SLC7A14: variants seen among roughly 807,000 people sequenced by gnomAD.
SLC7A14 encodes the protein gamma-aminobutyric acid transporter SLC7A14.
Under a neutral mutation model 60.2 loss-of-function variants are expected in SLC7A14, and 37 were observed. The observed-to-expected ratio is 0.61, with a 90% CI of 0.47 to 0.81. The LOEUF (loss-of-function observed/expected upper bound fraction) is 0.81, where lower values mean the gene tolerates loss of function less well. Ranked by LOEUF, SLC7A14 falls within the 30% of genes least tolerant of loss-of-function variation. SLC7A14 has a pLI of 0.00. For missense variants in SLC7A14, 886 were observed against 982.7 expected (o/e 0.90, Z 1.32); for synonymous variants, 399 against 395.8 (o/e 1.01, Z -0.10).
chr3:170,503,436 G>A (rs1712674730), intron 2 of SLC7A14, among the ~76,000 whole-genome samples: 1 of 152,172 alleles, frequency 6.6e-6, no homozygotes, highest in African/African-American at 2.4e-5. Context: ...CTTGGATGCC[G>A]TGTGTTTTCA....
chr3:170,529,696 A>G (rs1453240142), intron 1 of SLC7A14, among the ~76,000 whole-genome samples: 1 of 152,182 alleles, frequency 6.6e-6, no homozygotes, highest in Non-Finnish European at 1.5e-5. Context: ...CCTAGCCACC[A>G]CACCTCAGAA....
At chr3:170,583,701 C>T (rs958920469) in intron 1 of SLC7A14, among the ~76,000 whole-genome samples, 16 of 152,352 alleles carry the variant, frequency 1.1e-4, no homozygotes, top group African/African-American at 3.8e-4. Flanking sequence ...GACTCTAGTT[C>T]TCCAGACTTC....
At chr3:170,547,931 C>T (rs1388641443) in intron 1 of SLC7A14, among the ~76,000 whole-genome samples, 1 of 151,992 alleles carries the variant, frequency 6.6e-6, no homozygotes, top group Non-Finnish European at 1.5e-5. Flanking sequence ...ATTTTGCAGA[C>T]CTGCCTATGT....
intron 1 of SLC7A14, among the ~76,000 whole-genome samples, chr3:170,536,225 T>C (rs906164080): frequency 1.3e-5 from 2 of 152,228 alleles, no homozygotes; most frequent in African/African-American, 4.8e-5. Context: ...CAAAGCAACC[T>C]ATAAGTGTAG....
intron 1 of SLC7A14, among the ~76,000 whole-genome samples, chr3:170,581,986 G>C (rs1715248758): frequency 6.6e-6 from 1 of 152,022 alleles, no homozygotes. Flanking sequence ...TTTTGAATTG[G>C]AACTTTCAGA....
chr3:170,470,332 G>A (rs1739857692), intron 7 of SLC7A14, among the ~76,000 whole-genome samples: 1 of 151,676 alleles, frequency 6.6e-6, no homozygotes, highest in African/African-American at 2.4e-5. Flanking sequence ...GTGTGTGTGT[G>A]TGTGTGTATG....
chr3:170,479,824 T>G (rs1312787045), intron 7 of SLC7A14, among the ~76,000 whole-genome samples: 1 of 152,238 alleles, frequency 6.6e-6, no homozygotes. Context: ...CACACTTAAT[T>G]CACACCTTGT....
At chr3:170,498,431 C>CCAT (rs1386108555) in intron 4 of SLC7A14, among the ~76,000 whole-genome samples, 3 of 152,044 alleles carry the variant, frequency 2.0e-5, no homozygotes, top group Admixed American at 6.5e-5. Flanking sequence ...AACATTGAAT[C>CCAT]TATTATTATT....
intron 1 of SLC7A14, among the ~76,000 whole-genome samples, chr3:170,537,799 A>C (rs1201167755): frequency 6.6e-6 from 1 of 152,242 alleles, no homozygotes; most frequent in African/African-American, 2.4e-5. Flanking sequence ...CCTGACCTCC[A>C]AGCCAGTGCT....
intron 2 of SLC7A14, among the ~76,000 whole-genome samples, chr3:170,502,398 A>G (rs756344731): frequency 6.6e-6 from 1 of 152,214 alleles, no homozygotes; most frequent in African/African-American, 2.4e-5. Flanking sequence ...ATTCTCTGAC[A>G]TAATTAGAGA....
chr3:170,578,585 C>T (rs145023384), intron 1 of SLC7A14, among the ~76,000 whole-genome samples: 4 of 152,030 alleles, frequency 2.6e-5, no homozygotes, highest in South Asian at 2.1e-4. Flanking sequence ...TGTAAAATGG[C>T]GATGATAGCA....
At chr3:170,477,755 CTG>C (rs1239542324) in intron 7 of SLC7A14, among the ~76,000 whole-genome samples, 1 of 152,206 alleles carries the variant, frequency 6.6e-6, no homozygotes, top group Non-Finnish European at 1.5e-5. Context: ...TGTACAATAA[CTG>C]TACAATATTT....
At position 170,547,909 on chromosome 3, in the gene SLC7A14, C is replaced by T. The variant is rs189248728; in HGVS notation, c.-152-20821G>A. On this transcript the variant is annotated intron_variant, in intron 1 of 7. Transcript: ENST00000231706. ...TATTTTTTTCTCATAAGCAATGCTA[C>T]GGTGGACATATATTTTGCAGACCTG... Among the ~76,000 whole-genome samples the T allele has an allele frequency of 2.6e-5, 4 of 152,150 alleles. No homozygotes were observed. In the East Asian group the frequency reaches 5.8e-4, roughly 22 times the overall value.
chr3:170,494,378 C>T (rs1175894309), intron 4 of SLC7A14, among the ~76,000 whole-genome samples: 1 of 152,168 alleles, frequency 6.6e-6, no homozygotes, highest in Non-Finnish European at 1.5e-5. Context: ...AGTGAGAACC[C>T]AGGATGTATA....
chr3:170,503,576 A>G (rs534457099), intron 2 of SLC7A14, among the ~76,000 whole-genome samples: 31 of 152,170 alleles, frequency 2.0e-4, no homozygotes, highest in Non-Finnish European at 4.1e-4. Context: ...AATTACTCCT[A>G]TATTCTATGA....
At chr3:170,480,152 C>A in intron 7 of SLC7A14, 137 bp downstream of exon 7, 2 of 792,578 alleles carry the variant, frequency 2.5e-6, no homozygotes, top group Non-Finnish European at 3.8e-6. Flanking sequence ...GACTCTTAGG[C>A]GGAACACAAG....
At chr3:170,551,619 T>C (rs1714354208) in intron 1 of SLC7A14, among the ~76,000 whole-genome samples, 1 of 152,218 alleles carries the variant, frequency 6.6e-6, no homozygotes, top group South Asian at 2.1e-4. Context: ...TTGTATCTCA[T>C]TGTGGTTTTA....
chr3:170,581,542 A>G (rs1291806277), intron 1 of SLC7A14, among the ~76,000 whole-genome samples: 7 of 152,178 alleles, frequency 4.6e-5, no homozygotes, highest in Admixed American at 4.6e-4. Context: ...AGAAATTTCA[A>G]TAACTAAATT....
chr3:170,509,171 T>A (rs548459649), intron 2 of SLC7A14, among the ~76,000 whole-genome samples: 10 of 152,244 alleles, frequency 6.6e-5, no homozygotes, highest in Non-Finnish European at 7.4e-5. Context: ...CCCAGGCAAT[T>A]TTTACAAAGG....
Sources: gnomAD v4.1 joint callset for allele counts (sites outside exome capture counted in the v4.1 genomes callset) on GRCh38, gnomAD v4.1.1 for gene constraint, MANE v1.5 for transcripts, NCBI Gene and HGNC (gene_info 2026-07-23, HGNC 2026-07-21) for gene names.